MACROD2: variants seen among roughly 807,000 people sequenced by gnomAD.
MACROD2 encodes ADP-ribose glycohydrolase MACROD2.
A neutral mutation model predicts 70.4 loss-of-function variants in MACROD2; 36 were observed. The observed-to-expected ratio is 0.51, with a 90% CI of 0.39 to 0.68. The LOEUF is 0.68. MACROD2 is among the 30% of genes least tolerant of loss of function. The probability of loss-of-function intolerance (pLI) is 0.00; values close to 1 mark genes in which losing one functional copy is unlikely to be tolerated. For missense variants in MACROD2, 496 were observed against 538.4 expected (o/e 0.92, Z 0.78); for synonymous variants, 172 against 178.8 (o/e 0.96, Z 0.30).
chr20:14,405,150 T>G (rs888444116), intron 3 of MACROD2, among the ~76,000 whole-genome samples: 1 of 152,150 alleles, frequency 6.6e-6, no homozygotes, highest in African/African-American at 2.4e-5. Context: ...TTGAGACTTT[T>G]GAAGACTCTG....
At chr20:15,240,747 C>A (rs988917655) in intron 6 of MACROD2, among the ~76,000 whole-genome samples, 2 of 152,094 alleles carry the variant, frequency 1.3e-5, no homozygotes, top group Non-Finnish European at 2.9e-5. Context: ...GGTGATTAGA[C>A]TTAAATGAGT....
At chr20:14,084,892 G>C (rs2054057517) in intron 2 of MACROD2, among the ~76,000 whole-genome samples, 2 of 151,824 alleles carry the variant, frequency 1.3e-5, no homozygotes, top group Admixed American at 1.3e-4. Context: ...GGAGGCCGAG[G>C]TGGGCAGATC....
chr20:15,375,129 C>G (rs907652935), intron 6 of MACROD2, among the ~76,000 whole-genome samples: 3 of 152,190 alleles, frequency 2.0e-5, no homozygotes, highest in African/African-American at 7.2e-5. Context: ...TAAATCATTT[C>G]TCTTGATGCA....
chr20:15,533,544 G>GCTCTCTCTCTCTCTCT (rs3071260), intron 8 of MACROD2, among the ~76,000 whole-genome samples: 1 of 141,178 alleles, frequency 7.1e-6, no homozygotes, highest in Admixed American at 7.0e-5. Context: ...TGTCTCTGTC[G>GCTCTCTCTCTCTCTCT]CTCTCTCTCT....
chr20:15,832,180 G>A (rs772146398), intron 8 of MACROD2, among the ~76,000 whole-genome samples: 14 of 151,946 alleles, frequency 9.2e-5, no homozygotes, highest in Non-Finnish European at 1.6e-4. Flanking sequence ...AATTTTTTTT[G>A]CAGTCCTCAG....
intron 3 of MACROD2, among the ~76,000 whole-genome samples, chr20:14,142,547 A>G (rs1430903749): frequency 6.6e-6 from 1 of 152,188 alleles, no homozygotes; most frequent in Admixed American, 6.5e-5. Flanking sequence ...CCCGAGCTGT[A>G]TGTTGTCAAG....
At chr20:15,383,593 G>A (rs2045672975) in intron 6 of MACROD2, among the ~76,000 whole-genome samples, 3 of 152,130 alleles carry the variant, frequency 2.0e-5, no homozygotes, top group African/African-American at 4.8e-5. Context: ...ATAATTTGCT[G>A]GCTTTCATAT....
intron 3 of MACROD2, among the ~76,000 whole-genome samples, chr20:14,433,802 T>G (rs1452758602): frequency 1.3e-5 from 2 of 151,646 alleles, no homozygotes; most frequent in Non-Finnish European, 2.9e-5. Flanking sequence ...AGAGAAACAT[T>G]TTTTTTTTCA....
chr20:15,648,440 A>C (rs1273604528), intron 8 of MACROD2, among the ~76,000 whole-genome samples: 1 of 151,402 alleles, frequency 6.6e-6, no homozygotes, highest in Non-Finnish European at 1.5e-5. Flanking sequence ...TTTATTTCTC[A>C]TCTCTGTGGC....
intron 3 of MACROD2, among the ~76,000 whole-genome samples, chr20:14,180,387 C>T (rs944026482): frequency 6.6e-6 from 1 of 152,060 alleles, no homozygotes; most frequent in Non-Finnish European, 1.5e-5. Context: ...GCTTGATATT[C>T]TATGGTGAGT....
At chr20:14,621,044 C>T (rs182998664) in intron 4 of MACROD2, among the ~76,000 whole-genome samples, 3 of 152,118 alleles carry the variant, frequency 2.0e-5, no homozygotes, top group Admixed American at 6.5e-5. Flanking sequence ...AAGTACAGAG[C>T]GTACTACTGA....
At chr20:14,390,971 C>CA (rs2083520304) in intron 3 of MACROD2, among the ~76,000 whole-genome samples, 1 of 150,082 alleles carries the variant, frequency 6.7e-6, no homozygotes, top group African/African-American at 2.4e-5. Context: ...GGGCAGAAAA[C>CA]AACAGATGCT....
chr20:14,190,472 T>C (rs1159813752), intron 3 of MACROD2, among the ~76,000 whole-genome samples: 1 of 151,488 alleles, frequency 6.6e-6, no homozygotes, highest in Non-Finnish European at 1.5e-5. Context: ...ACATGTGTAA[T>C]TGAAATGTGT....
chr20:14,772,582 G>A (rs1372854145), intron 5 of MACROD2, among the ~76,000 whole-genome samples: 3 of 152,168 alleles, frequency 2.0e-5, no homozygotes, highest in Middle Eastern at 3.4e-3. Context: ...ACCTGCCCCC[G>A]TGATTCAGTC....
At chr20:15,386,296 T>C (rs2045712093) in intron 6 of MACROD2, among the ~76,000 whole-genome samples, 1 of 152,188 alleles carries the variant, frequency 6.6e-6, no homozygotes, top group Admixed American at 6.5e-5. Context: ...AGGAATATAT[T>C]AGCTCGTTTT....
chr20:15,838,883 A>G (rs909884987), intron 8 of MACROD2, among the ~76,000 whole-genome samples: 20 of 49,586 alleles, frequency 4.0e-4, no homozygotes, highest in African/African-American at 3.2e-3. Context: ...GATTTCCCAG[A>G]AGTCAGTTAG....
intron 3 of MACROD2, among the ~76,000 whole-genome samples, chr20:14,276,374 A>G (rs1464743826): frequency 2.0e-5 from 3 of 148,426 alleles, no homozygotes; most frequent in Non-Finnish European, 4.5e-5. Flanking sequence ...AACTATTGCA[A>G]GGACAAAAAA....
intron 3 of MACROD2, among the ~76,000 whole-genome samples, chr20:14,238,266 T>C (rs1601387188): frequency 6.6e-6 from 1 of 152,334 alleles, no homozygotes; most frequent in East Asian, 1.9e-4. Flanking sequence ...ATAAATGTTA[T>C]TTATTACATA....
chr20:14,113,994 A>G (rs1275068314), intron 3 of MACROD2, among the ~76,000 whole-genome samples: 1 of 152,162 alleles, frequency 6.6e-6, no homozygotes, highest in Non-Finnish European at 1.5e-5. Flanking sequence ...TCCTGTGAAT[A>G]TAATTCTATC....
Sources: allele counts gnomAD v4.1 joint callset (sites outside exome capture counted in the v4.1 genomes callset), GRCh38; gene constraint gnomAD v4.1.1; transcripts MANE v1.5; gene names NCBI Gene and HGNC (gene_info 2026-07-23, HGNC 2026-07-21).